Variants in DSCAML1 observed in about 807,000 individuals in gnomAD.
DSCAML1 encodes cell adhesion molecule DSCAML1.
In DSCAML1, 38 loss-of-function variants were observed where a neutral mutation model predicts 200.5. The ratio of observed to expected loss-of-function variants is 0.19; its 90% CI spans 0.15 to 0.25. The LOEUF (loss-of-function observed/expected upper bound fraction) is 0.25. DSCAML1 is among the 10% of genes least tolerant of loss of function. The pLI, the probability that DSCAML1 is intolerant of heterozygous loss-of-function variation, is 1.00. For missense variants in DSCAML1, 2,223 were observed against 2,858.8 expected (o/e 0.78, Z 5.07); for synonymous variants, 1,215 against 1,165.0 (o/e 1.04, Z -0.87).
Position 117,780,391 on chromosome 11 carries a change from G to C in DSCAML1, c.364+102C>G, listed in dbSNP as rs1417451617. On this transcript the variant is annotated intron_variant, in intron 2 of 32. Transcript: ENST00000651296. The surrounding 1 kb of genome is among the most constrained non-coding windows in gnomAD (Gnocchi z 4.8). ...AGATTCAAAAGAGAACAACAAAACT[G>C]TTCTTGAGTGAACGACTTCTTGCAA... is the stretch of plus-strand genomic sequence containing the variant. 9.3e-7 allele frequency: 1 copy of C among 1,077,800 alleles called. No individual in the cohort carries two copies. Among genetic ancestry groups the C allele is most frequent in the African/African-American group, 1.6e-5 (1 of 61,648 alleles). The allele number at this position is 1,077,800 out of a possible 1,614,324, so 66.8% of individuals were successfully genotyped here. A position where few individuals can be genotyped will look rare whatever the true frequency, so the allele number is the denominator to read the frequency against.
In DSCAML1 at chr11:117,780,307, A is replaced by C. The variant is rs1198007080; in HGVS notation, c.364+186T>G. ...AAGAAAGAAAGAAAGAAAGAAAGAGAGAAAGGAGAAAGAAAGGTGTCTCTT... is the reference window on the plus strand; with the variant it reads ...AAGAAAGAAAGAAAGAAAGAAAGAGCGAAAGGAGAAAGAAAGGTGTCTCTT... On this transcript the variant is annotated intron_variant, in intron 2 of 32. Transcript: ENST00000651296. The surrounding 1 kb of genome is among the most constrained non-coding windows in gnomAD (Gnocchi z 4.8). 6.6e-6 allele frequency among the ~76,000 whole-genome samples: 1 copy of C among 150,990 alleles called. No individual in the cohort carries two copies. The highest frequency in any genetic ancestry group is 1.5e-5 in the Non-Finnish European group (1 of 67,842).
At chr11:117,433,558 A>G in intron 27 of DSCAML1, 87 bp from the exon 28 acceptor site, 1 of 1,467,618 alleles carries the variant, frequency 6.8e-7, no homozygotes, top group East Asian at 2.3e-5. Flanking sequence ...AACAAGGTGG[A>G]GAATTCCTTA....
At position 117,441,700 on chromosome 11, in the gene DSCAML1, G is replaced by A. The variant is rs1260554074; in HGVS notation, c.3863-1764C>T. On this transcript the variant is annotated intron_variant, in intron 21 of 32. Coordinates refer to ENST00000651296, the MANE Select transcript of DSCAML1 (RefSeq NM_020693.4). ...AGAGTGAGAGTGAGGGAGCAGCTGA[G>A]AGGTTCAGGTGCATGGCGTGGGGGT... Among the ~76,000 whole-genome samples the A allele has an allele frequency of 2.0e-5, 3 of 152,134 alleles. No homozygotes were observed. The East Asian group carries it at 5.8e-4, about 29-fold the overall frequency.
chr11:117,607,963 G>A (rs1219984120), intron 3 of DSCAML1, among the ~76,000 whole-genome samples: 3 of 152,228 alleles, frequency 2.0e-5, no homozygotes. Context: ...GGTTTAAATT[G>A]TCTTTCTTTA....
At chr11:117,627,103 A>T (rs1366630578) in intron 3 of DSCAML1, among the ~76,000 whole-genome samples, 1 of 152,186 alleles carries the variant, frequency 6.6e-6, no homozygotes, top group Non-Finnish European at 1.5e-5. Flanking sequence ...CAGATAATTA[A>T]TTTTCTAACT....
rs766832210 is a variant in DSCAML1, at chr11:117,428,288, G to C, written c.*40C>G. Reference sequence around the variant, plus strand: ...AGCCGAGCTGGCGTGTGGGGCTGCGGCGCGGCGCGGTCCAGGCGTGGCTGC... The same window carrying C: ...AGCCGAGCTGGCGTGTGGGGCTGCGCCGCGGCGCGGTCCAGGCGTGGCTGC... On this transcript the variant is annotated 3_prime_UTR_variant, in exon 33 of 33. Transcript: ENST00000651296. 2.5e-5 allele frequency: 29 copies of C among 1,146,580 alleles called. No individual in the cohort carries two copies. Among genetic ancestry groups the C allele is most frequent in the Non-Finnish European group, 3.7e-5 (29 of 774,928 alleles). The allele number at this position is 1,146,580 out of a possible 1,614,324, so 71.0% of individuals were successfully genotyped here. A position where few individuals can be genotyped will look rare whatever the true frequency, so the allele number is the denominator to read the frequency against.
chr11:117,501,926 G>C (rs902168622), intron 11 of DSCAML1, among the ~76,000 whole-genome samples: 17 of 152,158 alleles, frequency 1.1e-4, no homozygotes, highest in Non-Finnish European at 2.5e-4. Flanking sequence ...GCCCAGCAGT[G>C]ACTGGCATAG....
chr11:117,803,610 T>C (rs2055681396), intron 1 of DSCAML1, among the ~76,000 whole-genome samples: 1 of 152,162 alleles, frequency 6.6e-6, no homozygotes, highest in Non-Finnish European at 1.5e-5. Context: ...CTCAATGGTC[T>C]AAGCTTCCAG....
Position 117,538,671 on chromosome 11 carries a change from T to C in DSCAML1, c.512-6149A>G, listed in dbSNP as rs1014588738. Reference sequence around the variant, plus strand: ...AGCTGCAGGAGCCATGGAGAGATAATTGATAGAAACCTCTGGGTTTCTGGC... The same window carrying C: ...AGCTGCAGGAGCCATGGAGAGATAACTGATAGAAACCTCTGGGTTTCTGGC... On this transcript the variant is annotated intron_variant, in intron 3 of 32. Transcript: ENST00000651296. Among the ~76,000 whole-genome samples, 4 of 152,106 alleles carry C rather than the reference T, an allele frequency of 2.6e-5. No individual in the cohort carries two copies. The South Asian group carries it at 6.2e-4, about 24-fold the overall frequency.
intron 3 of DSCAML1, among the ~76,000 whole-genome samples, chr11:117,696,049 A>G (rs1438240346): frequency 6.6e-6 from 1 of 152,200 alleles, no homozygotes; most frequent in Non-Finnish European, 1.5e-5. Flanking sequence ...AGATGTCATA[A>G]AAAGAATTAT....
intron 3 of DSCAML1, among the ~76,000 whole-genome samples, chr11:117,759,597 G>A (rs150787605): frequency 2.6e-5 from 4 of 152,050 alleles, no homozygotes; most frequent in Admixed American, 6.5e-5. Context: ...GCGATCATCC[G>A]GGCCTCTTGA....
At chr11:117,737,290 T>G (rs965008387) in intron 3 of DSCAML1, among the ~76,000 whole-genome samples, 1 of 152,230 alleles carries the variant, frequency 6.6e-6, no homozygotes, top group Non-Finnish European at 1.5e-5. Context: ...TAAAAGGCTT[T>G]TCAGGATTTA....
At chr11:117,628,176 G>T (rs2052096285) in intron 3 of DSCAML1, among the ~76,000 whole-genome samples, 1 of 152,220 alleles carries the variant, frequency 6.6e-6, no homozygotes, top group South Asian at 2.1e-4. Context: ...GATGTGAAGA[G>T]GGAACTAGAA....
At chr11:117,565,475 T>C (rs490458) in intron 3 of DSCAML1, among the ~76,000 whole-genome samples, 86,358 of 152,138 alleles carry the variant, frequency 0.57, 24,851 homozygotes, top group Middle Eastern at 0.65. Context: ...TGACGTGGCA[T>C]TGATACACAA....
intron 3 of DSCAML1, among the ~76,000 whole-genome samples, chr11:117,627,487 C>G (rs1226267787): frequency 6.6e-6 from 1 of 152,124 alleles, no homozygotes; most frequent in Non-Finnish European, 1.5e-5. Context: ...AGTCGCACTG[C>G]TCGCAGCCCC....
At chr11:117,790,525 C>T (rs188045549) in intron 1 of DSCAML1, among the ~76,000 whole-genome samples, 45 of 152,334 alleles carry the variant, frequency 3.0e-4, no homozygotes, top group African/African-American at 9.6e-4. Flanking sequence ...AGACCTTCAT[C>T]GTTCCTGTAT....
At chr11:117,770,033 T>G (rs140401297) in intron 3 of DSCAML1, among the ~76,000 whole-genome samples, 412 of 152,272 alleles carry the variant, frequency 2.7e-3, no homozygotes, top group African/African-American at 9.3e-3. Context: ...CACTGTCACC[T>G]CCACCTAAAG....
At chr11:117,545,788 A>G (rs552932655) in intron 3 of DSCAML1, among the ~76,000 whole-genome samples, 120 of 152,334 alleles carry the variant, frequency 7.9e-4, no homozygotes, top group Middle Eastern at 6.8e-3. Context: ...TCGTTAACAC[A>G]GGCTGGGCCT....
intron 3 of DSCAML1, among the ~76,000 whole-genome samples, chr11:117,767,234 AT>A (rs1455803230): frequency 5.9e-5 from 9 of 152,038 alleles, no homozygotes; most frequent in African/African-American, 2.2e-4. Context: ...CTGCCTCGTC[AT>A]TTCCTCAGGG....
Sources: gnomAD v4.1 joint callset for allele counts (sites outside exome capture counted in the v4.1 genomes callset) on GRCh38, gnomAD v4.1.1 for gene constraint, Gnocchi (gnomAD v3.1) non-coding constraint, MANE v1.5 for transcripts, NCBI Gene and HGNC (gene_info 2026-07-23, HGNC 2026-07-21) for gene names.